MICU1: variants seen among roughly 807,000 people sequenced by gnomAD.
The protein encoded by MICU1 is mitochondrial calcium uptake 1.
A neutral mutation model predicts 56.8 loss-of-function variants in MICU1; 45 were observed. The ratio of observed to expected loss-of-function variants is 0.79; its 90% CI spans 0.62 to 1.02. The LOEUF (loss-of-function observed/expected upper bound fraction) is 1.02. MICU1 is among the 50% of genes least tolerant of loss of function. MICU1 has a pLI of 0.00. For missense variants in MICU1, 504 were observed against 587.1 expected (o/e 0.86, Z 1.46); for synonymous variants, 186 against 195.1 (o/e 0.95, Z 0.39).
At chr10:72,545,809 CA>C (rs1434267898) in intron 4 of MICU1, among the ~76,000 whole-genome samples, 2 of 152,142 alleles carry the variant, frequency 1.3e-5, no homozygotes, top group Admixed American at 1.3e-4. Context: ...AGGGCCATTT[CA>C]AAATGTGTCA....
In MICU1 at chr10:72,577,462, T is replaced by C. The variant is rs539005246; in HGVS notation, c.-1-10668A>G. ...AGGCGGAGGTTGTGATGAGCTGAGA[T>C]TGCATCACTGCACTCCAGCCTGGGT... is the stretch of plus-strand genomic sequence containing the variant. On this transcript the variant is annotated intron_variant, in intron 1 of 11. Transcript: ENST00000361114. 5.3e-5 allele frequency among the ~76,000 whole-genome samples: 8 copies of C among 151,376 alleles called. No homozygotes were observed. The South Asian group carries it at 1.0e-3, about 20-fold the overall frequency.
At chr10:72,436,739 C>A (rs971486030) in intron 8 of MICU1, among the ~76,000 whole-genome samples, 2 of 152,092 alleles carry the variant, frequency 1.3e-5, no homozygotes, top group African/African-American at 4.8e-5. Context: ...GAGCTGAAAA[C>A]CATGGCATGA....
chr10:72,541,728 T>C (rs539780366), intron 4 of MICU1, among the ~76,000 whole-genome samples: 1 of 152,300 alleles, frequency 6.6e-6, no homozygotes, highest in Non-Finnish European at 1.5e-5. Flanking sequence ...CTTGCATTAA[T>C]TAAACTCTCT....
At chr10:72,413,205 AAAAAACAAAAAC>A (rs1003234049) in intron 9 of MICU1, among the ~76,000 whole-genome samples, 2 of 150,750 alleles carry the variant, frequency 1.3e-5, no homozygotes, top group Non-Finnish European at 2.9e-5. Flanking sequence ...AAAAAAAGAC[AAAAAACAAAAAC>A]AAAAACAAAA....
intron 8 of MICU1, among the ~76,000 whole-genome samples, chr10:72,444,247 A>G (rs1272977545): frequency 1.3e-5 from 2 of 151,992 alleles, no homozygotes; most frequent in Non-Finnish European, 2.9e-5. Flanking sequence ...GGGGAGGGAT[A>G]GCACTGGGAG....
At chr10:72,432,087 C>CTTTTT (rs35109632) in intron 8 of MICU1, among the ~76,000 whole-genome samples, 3 of 120,526 alleles carry the variant, frequency 2.5e-5, no homozygotes, top group African/African-American at 3.1e-5. Flanking sequence ...AATGTATTGC[C>CTTTTT]TTTTTTTTTT....
At chr10:72,475,372 A>G (rs1294648122) in intron 7 of MICU1, 75 bp from the exon 8 acceptor site, 9 of 1,293,980 alleles carry the variant, frequency 7.0e-6, no homozygotes, top group South Asian at 1.4e-5. Context: ...AGCAAGAATC[A>G]TAACTATTGT....
At chr10:72,535,806 A>C (rs1400482119) in intron 4 of MICU1, among the ~76,000 whole-genome samples, 2 of 152,208 alleles carry the variant, frequency 1.3e-5, no homozygotes, top group African/African-American at 4.8e-5. Flanking sequence ...GTCCAACAGA[A>C]ATATAGTGTG....
intron 1 of MICU1, among the ~76,000 whole-genome samples, chr10:72,585,709 C>T (rs377245513): frequency 3.1e-4 from 47 of 151,886 alleles, no homozygotes; most frequent in African/African-American, 1.1e-3. Flanking sequence ...ACAATTCTTA[C>T]TATAGGGTTA....
intron 10 of MICU1, among the ~76,000 whole-genome samples, chr10:72,382,152 C>G (rs1862732407): frequency 6.6e-6 from 1 of 151,882 alleles, no homozygotes; most frequent in Non-Finnish European, 1.5e-5. Flanking sequence ...GCTCTGTCGC[C>G]CAGGCTGGAG....
At position 72,367,518 on chromosome 10, in the gene MICU1, C is replaced by A. The variant is rs139154463; in HGVS notation, c.*677G>T. On this transcript the variant is annotated 3_prime_UTR_variant, in exon 12 of 12. Coordinates refer to ENST00000361114, the MANE Select transcript of MICU1 (RefSeq NM_001195518.2). ...ATTGCTCACTAAGCACAGGGTCACACTGGAGTCATCTTAGGGAGGCTGCGA... is the reference window on the plus strand; with the variant it reads ...ATTGCTCACTAAGCACAGGGTCACAATGGAGTCATCTTAGGGAGGCTGCGA... The A allele has an allele frequency of 5.4e-4, 83 of 152,494 alleles. 1 individual carries two copies. The Middle Eastern group carries it at 0.01, about 19-fold the overall frequency. The allele number at this position is 152,494 out of a possible 1,614,324, so 9.4% of individuals were successfully genotyped here. A position where few individuals can be genotyped will look rare whatever the true frequency, so the allele number is the denominator to read the frequency against.
intron 5 of MICU1, chr10:72,528,641 T>A (rs1839389140): frequency 6.2e-6 from 1 of 162,348 alleles, no homozygotes; most frequent in Non-Finnish European, 1.4e-5. Flanking sequence ...AGACTTTTAG[T>A]ACCCTATGTC....
chr10:72,619,201 T>C (rs1842045435), intron 1 of MICU1, among the ~76,000 whole-genome samples: 1 of 152,158 alleles, frequency 6.6e-6, no homozygotes, highest in Non-Finnish European at 1.5e-5. Flanking sequence ...TCCCAGCACT[T>C]TGGGAGGCTG....
At chr10:72,562,823 T>C in intron 3 of MICU1, 72 bp downstream of exon 3, 4 of 1,243,492 alleles carry the variant, frequency 3.2e-6, no homozygotes, top group Non-Finnish European at 3.2e-6. Context: ...AAACATATGA[T>C]TAAAAAGATT....
intron 6 of MICU1, among the ~76,000 whole-genome samples, chr10:72,495,209 C>A (rs553109941): frequency 2.0e-4 from 29 of 147,968 alleles, no homozygotes; most frequent in African/African-American, 3.5e-4. Flanking sequence ...GCATAATAGA[C>A]CCCCATCCCT....
chr10:72,378,720 G>A (rs1862605691), intron 10 of MICU1, among the ~76,000 whole-genome samples: 1 of 152,220 alleles, frequency 6.6e-6, no homozygotes, highest in Non-Finnish European at 1.5e-5. Flanking sequence ...AAGGCTTGGA[G>A]TAACGGGACC....
At chr10:72,605,839 A>G (rs960192844) in intron 1 of MICU1, among the ~76,000 whole-genome samples, 5 of 152,188 alleles carry the variant, frequency 3.3e-5, no homozygotes, top group African/African-American at 1.2e-4. Flanking sequence ...TAAGTAATAT[A>G]ATTTTCACTG....
intron 9 of MICU1, among the ~76,000 whole-genome samples, chr10:72,419,090 T>C (rs551379473): frequency 6.6e-6 from 1 of 152,340 alleles, no homozygotes; most frequent in East Asian, 1.9e-4. Flanking sequence ...ATGCCTCCAA[T>C]GCCCCTTATT....
chr10:72,486,154 T>C (rs1276656794), intron 6 of MICU1, among the ~76,000 whole-genome samples: 2 of 151,910 alleles, frequency 1.3e-5, no homozygotes, highest in Admixed American at 6.6e-5. Flanking sequence ...AAGAAGATAA[T>C]AAGGGAAATA....
Sources: allele counts gnomAD v4.1 joint callset (sites outside exome capture counted in the v4.1 genomes callset), GRCh38; gene constraint gnomAD v4.1.1; transcripts MANE v1.5; gene names NCBI Gene and HGNC (gene_info 2026-07-23, HGNC 2026-07-21).